Variants in AK7 observed in about 807,000 individuals in gnomAD.
The protein encoded by AK7 is ATP-AMP transphosphorylase 7.
Under a neutral mutation model 96.6 loss-of-function variants are expected in AK7, and 78 were observed. The observed-to-expected ratio is 0.81, with a 90% CI of 0.67 to 0.97. AK7 has a LOEUF of 0.97. Ranked by LOEUF, AK7 falls within the 50% of genes least tolerant of loss-of-function variation. The probability of loss-of-function intolerance (pLI) is 0.00; values close to 1 mark genes in which losing one functional copy is unlikely to be tolerated. For synonymous variants in AK7, 302 were observed against 317.2 expected, an observed-to-expected ratio of 0.95 and a Z score of 0.51; for missense variants, 855 against 887.9, an observed-to-expected ratio of 0.96 and a Z score of 0.47.
chr14:96,407,672 C>G (rs563601106), intron 3 of AK7, among the ~76,000 whole-genome samples: 1 of 150,374 alleles, frequency 6.7e-6, no homozygotes. Context: ...AGCTCCGCCT[C>G]CCGGGTACAC....
chr14:96,471,534 C>T lies in AK7; in HGVS notation c.1414C>T (p.Pro472Ser). The T allele has an allele frequency of 1.3e-6, 2 of 1,576,238 alleles. No homozygotes were observed. The highest frequency in any genetic ancestry group is 1.7e-6 in the Non-Finnish European group (2 of 1,153,856). ...TATGAAAGAAAAGCTAAAATCAATG[C>T]CTTGCAGGAATCAAGGTTATATTTT... The part of the protein sequence containing the change: ...RFMKEKLKSM[P>S]CRNQGYILDG... The change falls in exon 13 of 18, where the codon CCT becomes TCT. Residue 472 changes from proline to serine, a missense_variant. Transcript: ENST00000267584.
chr14:96,398,724 A>G (rs768564231), intron 2 of AK7: 24 of 171,776 alleles, frequency 1.4e-4, no homozygotes, highest in Non-Finnish European at 2.7e-4. Context: ...TCTTATATTT[A>G]TGAAAATAAT....
At chr14:96,392,694 T>C (rs938673803) in intron 1 of AK7, among the ~76,000 whole-genome samples, 2 of 151,928 alleles carry the variant, frequency 1.3e-5, no homozygotes, top group African/African-American at 4.8e-5. Flanking sequence ...GACGGAGCCT[T>C]GCTCTGTCGC....
chr14:96,400,757 G>T (rs939313957), intron 2 of AK7, among the ~76,000 whole-genome samples: 1 of 152,210 alleles, frequency 6.6e-6, no homozygotes, highest in Non-Finnish European at 1.5e-5. Context: ...TGGAATCATT[G>T]TCCCTTTCCT....
chr14:96,440,245 T>C (rs1410376770), intron 6 of AK7, among the ~76,000 whole-genome samples: 1 of 152,216 alleles, frequency 6.6e-6, no homozygotes, highest in Non-Finnish European at 1.5e-5. Context: ...AGTGCTGGGA[T>C]TACAGGCGTG....
intron 14 of AK7, among the ~76,000 whole-genome samples, chr14:96,475,964 G>A (rs565049538): frequency 1.4e-5 from 2 of 142,450 alleles, no homozygotes; most frequent in African/African-American, 5.3e-5. Context: ...GGGTGACAGT[G>A]AGACCCTGTC....
At chr14:96,460,367 T>A (rs1257929271) in intron 12 of AK7, among the ~76,000 whole-genome samples, 2 of 152,200 alleles carry the variant, frequency 1.3e-5, no homozygotes, top group Non-Finnish European at 2.9e-5. Flanking sequence ...TTTTCTCTCC[T>A]CTTCCTTCCT....
intron 5 of AK7, among the ~76,000 whole-genome samples, chr14:96,422,870 G>A (rs538865367): frequency 6.6e-4 from 100 of 152,174 alleles, no homozygotes; most frequent in African/African-American, 2.4e-3. Flanking sequence ...ATAGATGATG[G>A]GAATGCCCTG....
At chr14:96,465,140 A>C (rs376395959) in intron 12 of AK7, among the ~76,000 whole-genome samples, 11 of 152,346 alleles carry the variant, frequency 7.2e-5, no homozygotes, top group Admixed American at 2.0e-4. Flanking sequence ...TGTAGTTACA[A>C]ATGAGAGGCA....
chr14:96,488,258 CTAA>C (rs767800348), intron 17 of AK7, 44 bp from the exon 18 acceptor site: 1 of 1,522,706 alleles, frequency 6.6e-7, no homozygotes, highest in Admixed American at 1.8e-5. Context: ...AAATACATGA[CTAA>C]TAATAACTTG....
At chr14:96,407,475 A>G (rs1047013442) in intron 3 of AK7, among the ~76,000 whole-genome samples, 4 of 151,530 alleles carry the variant, frequency 2.6e-5, no homozygotes, top group Non-Finnish European at 4.4e-5. Context: ...TTAGGGAATC[A>G]CCTCATGATA....
chr14:96,405,447 G>A (rs964393579), intron 3 of AK7, among the ~76,000 whole-genome samples: 1 of 151,988 alleles, frequency 6.6e-6, no homozygotes, highest in African/African-American at 2.4e-5. Flanking sequence ...GCCTCCCAAA[G>A]CACTGGAGTT....
At chr14:96,396,684 TTAAAA>T (rs1472963704) in intron 1 of AK7, among the ~76,000 whole-genome samples, 9 of 152,186 alleles carry the variant, frequency 5.9e-5, no homozygotes, top group Admixed American at 5.2e-4. Flanking sequence ...AATAGATAAA[TTAAAA>T]TAAAATGATT....
Position 96,488,408 on chromosome 14 carries a change from A to T in AK7, c.*65A>T. The T allele has an allele frequency of 1.4e-6, 2 of 1,449,078 alleles. No individual in the cohort carries two copies. The highest frequency in any genetic ancestry group is 1.9e-6 in the Non-Finnish European group (2 of 1,065,630). 89.8% of individuals were successfully genotyped at this position (1,449,078 alleles called of 1,614,324 possible). On this transcript the variant is annotated 3_prime_UTR_variant, in exon 18 of 18. Coordinates refer to ENST00000267584, the MANE Select transcript of AK7 (RefSeq NM_152327.5). ...CAGATCACTTATTATACTTTGAAAA[A>T]TTGCTTTGAAAAATGCTTTTCCAGT...
In AK7 at chr14:96,461,893, A is replaced by G. The variant is rs892856450; in HGVS notation, c.1357+3681A>G. 8.5e-5 allele frequency among the ~76,000 whole-genome samples: 13 copies of G among 152,290 alleles called. No homozygotes were observed. In the South Asian group the frequency reaches 2.7e-3, roughly 32 times the overall value. ...GAGCCACTGTGCTTGGCCAAGCATT[A>G]TTTATTGACAAAGACATATAATTGG... On this transcript the variant is annotated intron_variant, in intron 12 of 17. Coordinates refer to ENST00000267584, the MANE Select transcript of AK7 (RefSeq NM_152327.5).
At chr14:96,425,753 G>C (rs1891993650) in intron 5 of AK7, among the ~76,000 whole-genome samples, 1 of 152,056 alleles carries the variant, frequency 6.6e-6, no homozygotes. Flanking sequence ...CAAAGTGCTG[G>C]GGTTACAGGT....
intron 3 of AK7, among the ~76,000 whole-genome samples, chr14:96,405,679 A>G (rs1375183750): frequency 6.6e-6 from 1 of 152,242 alleles, no homozygotes; most frequent in East Asian, 1.9e-4. Context: ...GAAGTTGTGT[A>G]TAAGAGCCAC....
At chr14:96,467,653 G>A (rs1415885624) in intron 12 of AK7, among the ~76,000 whole-genome samples, 1 of 151,976 alleles carries the variant, frequency 6.6e-6, no homozygotes, top group Non-Finnish European at 1.5e-5. Context: ...GCTTCTTAAG[G>A]TATTTCTTCC....
At chr14:96,475,622 T>C (rs952796515) in intron 14 of AK7, among the ~76,000 whole-genome samples, 2 of 152,140 alleles carry the variant, frequency 1.3e-5, no homozygotes, top group South Asian at 4.1e-4. Flanking sequence ...CTTTAGGTAT[T>C]GGCTAGGCCT....
Sources: allele counts gnomAD v4.1 joint callset (sites outside exome capture counted in the v4.1 genomes callset), GRCh38; gene constraint gnomAD v4.1.1; transcripts MANE v1.5; gene names NCBI Gene and HGNC (gene_info 2026-07-23, HGNC 2026-07-21).